IL12RB2: variants seen among roughly 807,000 people sequenced by gnomAD.
IL12RB2 encodes interleukin-12 receptor subunit beta-2.
IL12RB2 carries 82 observed loss-of-function variants against 89.4 expected under a neutral mutation model. The observed-to-expected ratio is 0.92, with a 90% confidence interval of 0.77 to 1.10. The LOEUF (loss-of-function observed/expected upper bound fraction) is 1.10, where lower values mean the gene tolerates loss of function less well. Among genes scored for constraint, IL12RB2 ranks in the 50% least tolerant of loss-of-function variants. The pLI is 0.00. For missense variants in IL12RB2, 963 were observed against 1,031.9 expected (o/e 0.93, Z 0.92); for synonymous variants, 368 against 370.1 (o/e 0.99, Z 0.07).
chr1:67,322,475 A>T (rs1293159504), intron 4 of IL12RB2, among the ~76,000 whole-genome samples: 1 of 150,564 alleles, frequency 6.6e-6, no homozygotes, highest in Non-Finnish European at 1.5e-5. Context: ...CTAACAATTC[A>T]TGGGAAGGGG....
chr1:67,319,232 C>T (rs1174759582), intron 2 of IL12RB2, among the ~76,000 whole-genome samples: 1 of 152,192 alleles, frequency 6.6e-6, no homozygotes, highest in African/African-American at 2.4e-5. Flanking sequence ...AGTGGCCTGA[C>T]ATCACAGAAC....
chr1:67,332,593 C>T (rs1175782238), intron 8 of IL12RB2, among the ~76,000 whole-genome samples: 1 of 152,060 alleles, frequency 6.6e-6, no homozygotes, highest in African/African-American at 2.4e-5. Context: ...AACCACTTGC[C>T]CTCTGGTTGT....
At chr1:67,347,830 G>C (rs574878168) in intron 9 of IL12RB2, among the ~76,000 whole-genome samples, 4 of 152,100 alleles carry the variant, frequency 2.6e-5, no homozygotes, top group African/African-American at 9.7e-5. Context: ...TCCCAGGGAT[G>C]CAAGACACAT....
rs763467285 is a variant in IL12RB2 at position 67,350,959 on chromosome 1, C to T, written c.1128C>T (p.Asn376=). The change falls in exon 10 of 17, where the codon AAC becomes AAT. Residue 376 remains asparagine (N), a synonymous_variant. Coordinates refer to ENST00000674203, the MANE Select transcript of IL12RB2 (RefSeq NM_001374259.2). ...ELTGGKAMTQ[N]ITGHTSWTTV... ...CAGGAGGGAAAGCCATGACACAGAA[C>T]ATCACAGGACACACCTCCTGGACCA... The T allele has an allele frequency of 4.3e-6, 7 of 1,614,132 alleles. No individual in the cohort carries two copies. In the Admixed American group the frequency reaches 1.0e-4, roughly 23 times the overall value.
chr1:67,326,000 C>T (rs186422029), intron 4 of IL12RB2, among the ~76,000 whole-genome samples: 1 of 152,278 alleles, frequency 6.6e-6, no homozygotes. Context: ...CTTTGTATTT[C>T]CACATCTAGC....
rs1444512439 is a variant in IL12RB2 at position 67,341,539 on chromosome 1, G to A, written c.1038+2836G>A. On this transcript the variant is annotated intron_variant, in intron 9 of 16. Coordinates refer to ENST00000674203, the MANE Select transcript of IL12RB2 (RefSeq NM_001374259.2). ...GAAAGAAAAAAGAAAGAGAAAGAAA[G>A]AAAGAAAGAAAGAAAGAAAGAAAGA... Among the ~76,000 whole-genome samples, 11 of 28,294 alleles carry A rather than the reference G, an allele frequency of 3.9e-4. No individual in the cohort carries two copies. In the East Asian group the frequency reaches 0.01, roughly 26 times the overall value. The allele number at this position is 28,294 out of a possible 152,430, so 18.6% of individuals were successfully genotyped here.
rs17129991 is a variant in IL12RB2 at position 67,397,303 on chromosome 1, C to T, written c.*1214C>T. 0.015 allele frequency among the ~76,000 whole-genome samples: 2,317 copies of T among 152,182 alleles called. 27 individuals are homozygous for T. The highest frequency in any genetic ancestry group is 0.024 in the Middle Eastern group (7 of 294). On this transcript the variant is annotated 3_prime_UTR_variant, in exon 17 of 17. Coordinates refer to ENST00000674203, the MANE Select transcript of IL12RB2 (RefSeq NM_001374259.2). ...CAACCCAGCCTCCCACTCTGAATCTCGGGTGTCTTGTAAAGGGCTGGACCA... is the reference window on the plus strand; with the variant it reads ...CAACCCAGCCTCCCACTCTGAATCTTGGGTGTCTTGTAAAGGGCTGGACCA...
At chr1:67,360,129 C>A (rs551649825) in intron 10 of IL12RB2, among the ~76,000 whole-genome samples, 1 of 152,082 alleles carries the variant, frequency 6.6e-6, no homozygotes, top group African/African-American at 2.4e-5. Context: ...GGGCTGGGCG[C>A]GGTGGCTCAC....
chr1:67,363,418 G>A (rs572191967), intron 10 of IL12RB2, among the ~76,000 whole-genome samples: 1 of 150,572 alleles, frequency 6.6e-6, no homozygotes, highest in African/African-American at 2.4e-5. Context: ...GTTTCTCCAT[G>A]TTGGTCAGGC....
chr1:67,328,078 A>G lies in IL12RB2; in HGVS notation c.480-122A>G, dbSNP rs1657568240. 5 of 782,646 alleles carry G rather than the reference A, an allele frequency of 6.4e-6. No individual in the cohort carries two copies. In the East Asian group the frequency reaches 1.3e-4, roughly 20 times the overall value. 48.5% of individuals were successfully genotyped at this position (782,646 alleles called of 1,614,324 possible). On this transcript the variant is annotated intron_variant, in intron 5 of 16. Transcript: ENST00000674203. ...TATTCCCGGGGTGTATCCCCTAGTCATAAGATTGACCTTTAAAAATTGTCT... is the reference window on the plus strand; with the variant it reads ...TATTCCCGGGGTGTATCCCCTAGTCGTAAGATTGACCTTTAAAAATTGTCT...
intron 13 of IL12RB2, among the ~76,000 whole-genome samples, chr1:67,375,984 C>A (rs60060275): frequency 6.7e-4 from 102 of 151,856 alleles, no homozygotes; most frequent in African/African-American, 2.5e-3. Flanking sequence ...GTAACTGGGA[C>A]TACAAGCACC....
rs935840729 is a variant in IL12RB2, at chr1:67,397,197, C to T, written c.*1108C>T. Among the ~76,000 whole-genome samples the T allele has an allele frequency of 2.6e-5, 4 of 151,876 alleles. No homozygotes were observed. Among genetic ancestry groups the T allele is most frequent in the Non-Finnish European group, 5.9e-5 (4 of 67,986 alleles). ...CTGGTTTATTGTTTTATTTTGGCTT[C>T]ATCCTCTTTCAGCAAATCAAGGGCA... On this transcript the variant is annotated 3_prime_UTR_variant, in exon 17 of 17. Transcript: ENST00000674203.
chr1:67,368,088 C>T, intron 11 of IL12RB2, 63 bp downstream of exon 11: 2 of 1,064,682 alleles, frequency 1.9e-6, no homozygotes, highest in Non-Finnish European at 2.9e-6. Flanking sequence ...GGGGAAACTG[C>T]AGGCAAGAGC....
intron 4 of IL12RB2, among the ~76,000 whole-genome samples, chr1:67,325,819 A>G (rs1234191043): frequency 6.6e-6 from 1 of 152,254 alleles, no homozygotes; most frequent in Non-Finnish European, 1.5e-5. Context: ...GGAAATATGT[A>G]TCTACACGTG....
intron 1 of IL12RB2, among the ~76,000 whole-genome samples, chr1:67,310,184 C>CAAAAAA (rs890229904): frequency 2.2e-4 from 8 of 36,706 alleles, no homozygotes; most frequent in East Asian, 9.9e-4. Flanking sequence ...AACTTCATCT[C>CAAAAAA]AAAAAAAAAA....
intron 6 of IL12RB2, 33 bp downstream of exon 6, chr1:67,328,417 T>C (rs1408572538): frequency 3.7e-6 from 6 of 1,611,704 alleles, no homozygotes; most frequent in Non-Finnish European, 4.2e-6. Context: ...ATTGGTACTT[T>C]ATAATTATTT....
intron 10 of IL12RB2, among the ~76,000 whole-genome samples, chr1:67,364,071 T>C (rs1214185071): frequency 2.0e-5 from 3 of 152,230 alleles, no homozygotes; most frequent in African/African-American, 7.2e-5. Flanking sequence ...CCAACTATAG[T>C]TGTCTATAAG....
intron 8 of IL12RB2, among the ~76,000 whole-genome samples, chr1:67,333,134 C>T (rs1232002154): frequency 6.6e-6 from 1 of 152,204 alleles, no homozygotes; most frequent in East Asian, 1.9e-4. Flanking sequence ...TTACCAAGCT[C>T]TGTTGGCTTC....
At chr1:67,313,357 CA>C (rs1490235867) in intron 1 of IL12RB2, among the ~76,000 whole-genome samples, 10 of 152,110 alleles carry the variant, frequency 6.6e-5, no homozygotes, top group African/African-American at 2.2e-4. Flanking sequence ...AGATAGATAT[CA>C]TAAAGATTGT....
Sources: gnomAD v4.1 joint callset for allele counts (sites outside exome capture counted in the v4.1 genomes callset) on GRCh38, gnomAD v4.1.1 for gene constraint, MANE v1.5 for transcripts, NCBI Gene and HGNC (gene_info 2026-07-23, HGNC 2026-07-21) for gene names.